Variants in DOT1L observed in about 807,000 individuals in gnomAD.
The protein encoded by DOT1L is histone-lysine N-methyltransferase, H3 lysine-79 specific.
Under a neutral mutation model 153.3 loss-of-function variants are expected in DOT1L, and 33 were observed. The observed-to-expected ratio is 0.22, with a 90% confidence interval of 0.16 to 0.29. The LOEUF is 0.29. Ranked by LOEUF, DOT1L falls within the 10% of genes least tolerant of loss-of-function variation. The probability of loss-of-function intolerance (pLI) is 1.00; values close to 1 mark genes in which losing one functional copy is unlikely to be tolerated. For synonymous variants in DOT1L, 1,135 were observed against 965.1 expected, an observed-to-expected ratio of 1.18 and a Z score of -3.26; for missense variants, 1,847 against 2,119.9, an observed-to-expected ratio of 0.87 and a Z score of 2.53.
chr19:2,164,364 C>G (rs1001491544), intron 1 of DOT1L, 99 bp downstream of exon 1: 1 of 803,554 alleles, frequency 1.2e-6, no homozygotes. Flanking sequence ...ACCGGTCCCC[C>G]CTGCGGAACG....
intron 3 of DOT1L, among the ~76,000 whole-genome samples, chr19:2,189,085 T>C (rs1299451874): frequency 1.3e-5 from 2 of 152,150 alleles, no homozygotes; most frequent in Non-Finnish European, 2.9e-5. Context: ...CTGTGGACCC[T>C]GCTGTGCCGT....
intron 9 of DOT1L, 66 bp from the exon 10 acceptor site, chr19:2,206,663 C>A: frequency 6.6e-7 from 1 of 1,523,988 alleles, no homozygotes; most frequent in African/African-American, 1.4e-5. Flanking sequence ...TCTCTGTCAC[C>A]TTGAGTGGTG....
In DOT1L at chr19:2,231,846, GGGC is replaced by G; in HGVS notation, c.*2055_*2057del. 4.5e-6 allele frequency: 1 copy of G among 219,956 alleles called. No individual in the cohort carries two copies. The highest frequency in any genetic ancestry group is 1.8e-4 in the South Asian group (1 of 5,422). 13.6% of individuals were successfully genotyped at this position (219,956 alleles called of 1,614,324 possible). On this transcript the variant is annotated 3_prime_UTR_variant, in exon 28 of 28. Transcript: ENST00000398665. ...CACGGGTCCTGCAGATGGCCATGCAGGGCTCCTGCCCACGCAGGCCACCGTATG... is the reference window on the plus strand; with the variant it reads ...CACGGGTCCTGCAGATGGCCATGCAGTCCTGCCCACGCAGGCCACCGTATG...
intron 14 of DOT1L, 52 bp downstream of exon 14, chr19:2,210,907 G>C (rs2023686415): frequency 6.3e-7 from 1 of 1,591,980 alleles, no homozygotes; most frequent in Non-Finnish European, 8.6e-7. Context: ...CGGATGCCTG[G>C]GGTCCCCTCT....
chr19:2,227,939 C>T (rs1363211791), intron 27 of DOT1L: 2 of 1,207,296 alleles, frequency 1.7e-6, no homozygotes, highest in African/African-American at 1.6e-5. Flanking sequence ...CCCCGCTGCC[C>T]CCGCCTGCGC....
chr19:2,229,237 C>T lies in DOT1L; in HGVS notation c.4607-548C>T, dbSNP rs1380162884. 4.1e-6 allele frequency: 4 copies of T among 985,272 alleles called. No individual in the cohort carries two copies. In the African/African-American group the frequency reaches 5.2e-5, roughly 13 times the overall value. The allele number at this position is 985,272 out of a possible 1,614,324, so 61.0% of individuals were successfully genotyped here. ...CTGTGGAGACTGTGGCCGCTGACCC[C>T]TGAGGGCAGTTGGCCACCCGTGCCC... On this transcript the variant is annotated intron_variant, in intron 27 of 27. Transcript: ENST00000398665.
In DOT1L at chr19:2,222,038, A is replaced by T. The variant is rs1240391627; in HGVS notation, c.2869A>T (p.Thr957Ser). ...CTTGGCGGGCAGCCCGGCCTCTCTC[A>T]CACCTGGAGCCGAGCCGGCCACCTT... ...GALAGSPASL[T>S]PGAEPATLDE... Residue 957 changes from threonine to serine, a missense_variant, in exon 24 of 28, where the codon ACA (threonine) becomes TCA (serine). This residue lies in a region of DOT1L where 934 missense variants were observed against 825.3 expected (regional missense o/e 1.13). Coordinates refer to ENST00000398665, the MANE Select transcript of DOT1L (RefSeq NM_032482.3). The surrounding 1 kb of genome is among the most constrained non-coding windows in gnomAD (Gnocchi z 6.5). 4 of 1,612,542 alleles carry T rather than the reference A, an allele frequency of 2.5e-6. No individual in the cohort carries two copies. Among genetic ancestry groups the T allele is most frequent in the African/African-American group, 2.7e-5 (2 of 74,864 alleles).
At chr19:2,228,074 G>A (rs1309043428) in intron 27 of DOT1L, 14 of 1,325,942 alleles carry the variant, frequency 1.1e-5, no homozygotes, top group South Asian at 6.0e-5. Flanking sequence ...AGAGCCTCGC[G>A]TCCCTCCCGC....
In DOT1L at chr19:2,191,791, G is replaced by T. The variant is rs1052430203; in HGVS notation, c.493+551G>T. Among the ~76,000 whole-genome samples, 2 of 152,154 alleles carry T rather than the reference G, an allele frequency of 1.3e-5. No individual in the cohort carries two copies. The highest frequency in any genetic ancestry group is 2.4e-5 in the African/African-American group (1 of 41,440). Reference sequence around the variant, plus strand: ...CGTGCCCTGCCCCTCCCAGGTTGGGGCTCCCACCTGCTGGCATTCTTTCAG... The same window carrying T: ...CGTGCCCTGCCCCTCCCAGGTTGGGTCTCCCACCTGCTGGCATTCTTTCAG... On this transcript the variant is annotated intron_variant, in intron 5 of 27. Transcript: ENST00000398665. This position sits in a 1 kb window ranked among gnomAD's most constrained non-coding sequence, Gnocchi z 6.8.
At position 2,230,780 on chromosome 19, in the gene DOT1L, A is replaced by C; in HGVS notation, c.*988A>C. 5.1e-6 allele frequency: 2 copies of C among 388,860 alleles called. No homozygotes were observed. Among genetic ancestry groups the C allele is most frequent in the Non-Finnish European group, 4.5e-6 (1 of 220,324 alleles). 24.1% of individuals were successfully genotyped at this position (388,860 alleles called of 1,614,324 possible). ...CCTTATTTATTCAAACAGTGCACAA[A>C]ATGGCCCCAGCGTCAGCCCCGACCC... is the stretch of plus-strand genomic sequence containing the variant. On this transcript the variant is annotated 3_prime_UTR_variant, in exon 28 of 28. Transcript: ENST00000398665.
At chr19:2,229,196 C>A in intron 27 of DOT1L, 1 of 985,480 alleles carries the variant, frequency 1.0e-6, no homozygotes. Flanking sequence ...GTCCTGTTCA[C>A]TCCTCCCCCA....
At chr19:2,228,342 C>A (rs374890000) in intron 27 of DOT1L, 28 of 1,323,076 alleles carry the variant, frequency 2.1e-5, no homozygotes, top group Non-Finnish European at 2.8e-5. Context: ...GGTTAAGCCG[C>A]GATAAAGACC....
At chr19:2,170,092 C>T (rs2020069136) in intron 1 of DOT1L, among the ~76,000 whole-genome samples, 1 of 152,150 alleles carries the variant, frequency 6.6e-6, no homozygotes, top group African/African-American at 2.4e-5. Context: ...TGAGATCATG[C>T]CATTACACTC....
intron 27 of DOT1L, chr19:2,228,286 G>A (rs1321872259): frequency 7.4e-7 from 1 of 1,354,988 alleles, no homozygotes; most frequent in Non-Finnish European, 9.8e-7. Context: ...TCCGCGGTGT[G>A]GGTGTCCCTC....
chr19:2,189,810 C>T lies in DOT1L; in HGVS notation c.264+15C>T, dbSNP rs1369789047. ...TCCACCAGCTGGTAGGTGGCTTGCC[C>T]CTGCCCAGAGGGGGTTAGTAGTGCC... On this transcript the variant is annotated intron_variant, in intron 4 of 27. Transcript: ENST00000398665. 2 of 1,611,514 alleles carry T rather than the reference C, an allele frequency of 1.2e-6. No homozygotes were observed. Among genetic ancestry groups the T allele is most frequent in the East Asian group, 4.5e-5 (2 of 44,882 alleles).
chr19:2,214,440 A>C, intron 18 of DOT1L, 31 bp from the exon 19 acceptor site: 1 of 1,607,268 alleles, frequency 6.2e-7, no homozygotes, highest in African/African-American at 1.3e-5. Flanking sequence ...GCAGCCAGCC[A>C]GTCGCAACTG....
At chr19:2,229,184 A>G (rs756821109) in intron 27 of DOT1L, 46 of 985,312 alleles carry the variant, frequency 4.7e-5, no homozygotes, top group Non-Finnish European at 5.5e-5. Flanking sequence ...CCTTCAGGGA[A>G]TGTCCTGTTC....
At chr19:2,205,809 C>G (rs968508300) in intron 9 of DOT1L, among the ~76,000 whole-genome samples, 1 of 151,074 alleles carries the variant, frequency 6.6e-6, no homozygotes, top group Admixed American at 6.6e-5. Context: ...TCCTCCTGCC[C>G]CAGCCTCCCG....
rs961867774 is a variant in DOT1L, at chr19:2,197,418, C to T, written c.652-2466C>T. Among the ~76,000 whole-genome samples, 29 of 152,194 alleles carry T rather than the reference C, an allele frequency of 1.9e-4. No homozygotes were observed. On this transcript the variant is annotated intron_variant, in intron 7 of 27. Coordinates refer to ENST00000398665, the MANE Select transcript of DOT1L (RefSeq NM_032482.3). The surrounding 1 kb of genome is among the most constrained non-coding windows in gnomAD (Gnocchi z 4.1). The stretch of plus-strand genomic sequence containing the variant: ...TGGTTCCCAGCGATGGCCAGGAGGG[C>T]GCCATGGTGCCTTCCTCCGCGCGGT...
Sources: allele counts gnomAD v4.1 joint callset (sites outside exome capture counted in the v4.1 genomes callset), GRCh38; gene constraint gnomAD v4.1.1; regional missense constraint gnomAD v4.1.1; non-coding constraint Gnocchi (gnomAD v3.1); transcripts MANE v1.5; gene names NCBI Gene and HGNC (gene_info 2026-07-23, HGNC 2026-07-21).